The following NCKAP5 variants were observed in gnomAD, a reference collection of about 807,000 sequenced individuals.
NCKAP5 encodes NCK associated protein 5.
In NCKAP5, 92 loss-of-function variants were observed where a neutral mutation model predicts 167.0. The ratio of observed to expected loss-of-function variants is 0.55; its 90% CI spans 0.47 to 0.66. NCKAP5 has a LOEUF of 0.66. Among genes scored for constraint, NCKAP5 ranks in the 30% least tolerant of loss-of-function variants. NCKAP5 has a pLI of 0.00. For missense variants in NCKAP5, 2,378 were observed against 2,315.0 expected, an observed-to-expected ratio of 1.03 and a Z score of -0.56; for synonymous variants, 891 against 877.4, an observed-to-expected ratio of 1.02 and a Z score of -0.27.
chr2:133,181,150 G>T (rs915077710), intron 5 of NCKAP5, among the ~76,000 whole-genome samples: 1 of 151,940 alleles, frequency 6.6e-6, no homozygotes, highest in African/African-American at 2.4e-5. Flanking sequence ...ATGTGATATG[G>T]TTCTAAATGT....
chr2:133,018,415 A>G (rs938233693), intron 6 of NCKAP5, among the ~76,000 whole-genome samples: 1 of 152,224 alleles, frequency 6.6e-6, no homozygotes, highest in African/African-American at 2.4e-5. Flanking sequence ...TCAACAGAGA[A>G]GTAGAAGTGC....
At chr2:133,341,284 A>ATTT (rs11362448) in intron 3 of NCKAP5, among the ~76,000 whole-genome samples, 9 of 145,812 alleles carry the variant, frequency 6.2e-5, no homozygotes, top group African/African-American at 1.8e-4. Context: ...AAGTGAGCAG[A>ATTT]TTTTTTTTTT....
intron 3 of NCKAP5, among the ~76,000 whole-genome samples, chr2:133,451,507 T>C (rs1691548772): frequency 6.6e-6 from 1 of 152,212 alleles, no homozygotes; most frequent in Non-Finnish European, 1.5e-5. Flanking sequence ...TAACAGATCT[T>C]TTCCCTGGAA....
At chr2:133,505,832 C>G (rs1406889082) in intron 3 of NCKAP5, among the ~76,000 whole-genome samples, 1 of 152,206 alleles carries the variant, frequency 6.6e-6, no homozygotes, top group African/African-American at 2.4e-5. Flanking sequence ...ACTGCTACTT[C>G]TATATTTGAT....
At chr2:133,113,636 G>A (rs751101259) in intron 6 of NCKAP5, among the ~76,000 whole-genome samples, 1 of 152,118 alleles carries the variant, frequency 6.6e-6, no homozygotes, top group African/African-American at 2.4e-5. Flanking sequence ...TGATGTTCAG[G>A]GTATGCTGAA....
intron 6 of NCKAP5, among the ~76,000 whole-genome samples, chr2:133,125,127 T>G (rs2082362108): frequency 6.6e-6 from 1 of 152,128 alleles, no homozygotes; most frequent in Non-Finnish European, 1.5e-5. Context: ...TTGCAAATCC[T>G]GCATGATATG....
chr2:133,384,939 A>C (rs1360280586), intron 3 of NCKAP5, among the ~76,000 whole-genome samples: 3 of 152,070 alleles, frequency 2.0e-5, no homozygotes, highest in African/African-American at 7.2e-5. Flanking sequence ...GCTTAAGGAG[A>C]TTTTGGGCTA....
At chr2:133,571,013 G>A (rs1356334536), upstream of NCKAP5, among the ~76,000 whole-genome samples, 2 of 151,266 alleles carry the variant, frequency 1.3e-5, no homozygotes, top group Non-Finnish European at 3.0e-5. Context: ...CTTTAGGGGG[G>A]AAAAAAAAGT....
the NCKAP5 span, chr2:133,596,476 A>T: frequency 6.6e-6 from 1 of 152,374 alleles, no homozygotes; most frequent in Non-Finnish European, 1.5e-5. Context: ...GGTCCAGGTG[A>T]GACATGACAG....
intron 6 of NCKAP5, among the ~76,000 whole-genome samples, chr2:133,062,317 T>C (rs952358886): frequency 6.6e-6 from 1 of 152,184 alleles, no homozygotes; most frequent in African/African-American, 2.4e-5. Context: ...AGGCTTGGCC[T>C]TGTGTCTCCT....
At chr2:132,687,705 C>T (rs1686128517) in intron 19 of NCKAP5, among the ~76,000 whole-genome samples, 1 of 126,824 alleles carries the variant, frequency 7.9e-6, no homozygotes, top group Admixed American at 8.3e-5. Flanking sequence ...GCACGGACAC[C>T]TACCTAAACA....
chr2:133,401,721 A>G (rs760255964), intron 3 of NCKAP5, among the ~76,000 whole-genome samples: 2 of 152,198 alleles, frequency 1.3e-5, no homozygotes, highest in Non-Finnish European at 2.9e-5. Flanking sequence ...CATAATTAAA[A>G]AAAGGATATT....
chr2:132,920,249 C>T lies in NCKAP5; in HGVS notation c.580-41333G>A, dbSNP rs1695208044. Reference sequence around the variant, plus strand: ...TGTTCACAACTCAGTTTCACCATTTCAATCAGATAGTTATGTGACCAAGGG... The same window carrying T: ...TGTTCACAACTCAGTTTCACCATTTTAATCAGATAGTTATGTGACCAAGGG... On this transcript the variant is annotated intron_variant, in intron 8 of 19. Transcript: ENST00000409261. Among the ~76,000 whole-genome samples the T allele has an allele frequency of 1.3e-5, 2 of 152,214 alleles. 1 individual carries two copies. Among genetic ancestry groups the T allele is most frequent in the South Asian group, 4.1e-4 (2 of 4,820 alleles).
At chr2:132,834,909 C>T (rs1687779626) in intron 11 of NCKAP5, among the ~76,000 whole-genome samples, 1 of 152,132 alleles carries the variant, frequency 6.6e-6, no homozygotes, top group Admixed American at 6.5e-5. Flanking sequence ...AGAGAAAACG[C>T]TTTTAACTTT....
intron 16 of NCKAP5, among the ~76,000 whole-genome samples, chr2:132,763,590 G>C (rs1272474031): frequency 6.6e-6 from 1 of 152,198 alleles, no homozygotes; most frequent in African/African-American, 2.4e-5. Context: ...CTTCCCAGGT[G>C]ATTCTGATGT....
At chr2:132,808,305 T>A (rs1254753088) in intron 11 of NCKAP5, among the ~76,000 whole-genome samples, 1 of 152,044 alleles carries the variant, frequency 6.6e-6, no homozygotes, top group Non-Finnish European at 1.5e-5. Context: ...TTCTTTCTGT[T>A]TCTTGTGGAA....
chr2:133,638,370 T>C, the NCKAP5 span, among the ~76,000 whole-genome samples: 1 of 152,248 alleles, frequency 6.6e-6, no homozygotes, highest in East Asian at 1.9e-4. Context: ...AGGGAAGAGA[T>C]AGTCATTAAA....
chr2:133,201,112 A>C lies in NCKAP5; in HGVS notation c.207+12604T>G, dbSNP rs982456896. On this transcript the variant is annotated intron_variant, in intron 5 of 19. Transcript: ENST00000409261. ...AAATAGGTGTTCCTTGGAAACAAGCACTGAGATACCATGATAGTTGATGTG... is the reference window on the plus strand; with the variant it reads ...AAATAGGTGTTCCTTGGAAACAAGCCCTGAGATACCATGATAGTTGATGTG... 3.3e-5 allele frequency among the ~76,000 whole-genome samples: 5 copies of C among 152,198 alleles called. No individual in the cohort carries two copies. The South Asian group carries it at 1.0e-3, about 31-fold the overall frequency.
intron 6 of NCKAP5, among the ~76,000 whole-genome samples, chr2:133,091,761 C>T (rs1048996899): frequency 5.3e-5 from 8 of 152,034 alleles, no homozygotes; most frequent in African/African-American, 1.7e-4. Context: ...GTGGTGGGTG[C>T]CTGTAGTCCC....
Sources: gnomAD v4.1 joint callset for allele counts (sites outside exome capture counted in the v4.1 genomes callset) on GRCh38, gnomAD v4.1.1 for gene constraint, MANE v1.5 for transcripts, NCBI Gene and HGNC (gene_info 2026-07-23, HGNC 2026-07-21) for gene names.